PCDH15: variants seen among roughly 807,000 people sequenced by gnomAD.
PCDH15 encodes protocadherin related 15.
A neutral mutation model predicts 178.5 loss-of-function variants in PCDH15; 129 were observed. That is an observed-to-expected ratio of 0.72 (90% CI 0.63 to 0.84). PCDH15 has a LOEUF of 0.84. Ranked by LOEUF, PCDH15 falls within the 40% of genes least tolerant of loss-of-function variation. The pLI is 0.00. For synonymous variants in PCDH15, 800 were observed against 732.0 expected (o/e 1.09, Z -1.50); for missense variants, 2,230 against 2,099.9 (o/e 1.06, Z -1.21).
At chr10:53,979,413 C>T (rs2090442512) in intron 21 of PCDH15, among the ~76,000 whole-genome samples, 1 of 152,170 alleles carries the variant, frequency 6.6e-6, no homozygotes, top group Admixed American at 6.6e-5. Context: ...GTCTCTCCCA[C>T]TACACGTGAA....
chr10:54,487,284 T>C lies in PCDH15; in HGVS notation c.157+40528A>G, dbSNP rs1050831633. 3.7e-4 allele frequency among the ~76,000 whole-genome samples: 56 copies of C among 151,938 alleles called. 2 individuals are homozygous for C. The highest frequency in any genetic ancestry group is 1.2e-4 in the Non-Finnish European group (8 of 67,954). Reference sequence around the variant, plus strand: ...CATGTTTTCACTTAAAAATGGGAGCTAAATAATGTGTACACATGGACGTAA... The same window carrying C: ...CATGTTTTCACTTAAAAATGGGAGCCAAATAATGTGTACACATGGACGTAA... On this transcript the variant is annotated intron_variant, in intron 3 of 37. Coordinates refer to ENST00000644397, the MANE Select transcript of PCDH15 (RefSeq NM_001384140.1).
At chr10:54,962,513 G>A (rs1262790824) in intron 2 of PCDH15, among the ~76,000 whole-genome samples, 2 of 152,222 alleles carry the variant, frequency 1.3e-5, no homozygotes, top group Non-Finnish European at 2.9e-5. Context: ...GATATATTGT[G>A]ACACTTTTGG....
At chr10:54,615,580 C>G (rs2093112741) in intron 2 of PCDH15, among the ~76,000 whole-genome samples, 1 of 151,910 alleles carries the variant, frequency 6.6e-6, no homozygotes, top group Non-Finnish European at 1.5e-5. Context: ...TCACAGTTAC[C>G]TTGGTACTTG....
At chr10:54,957,258 A>C (rs1249189517) in intron 2 of PCDH15, among the ~76,000 whole-genome samples, 1 of 150,678 alleles carries the variant, frequency 6.6e-6, no homozygotes, top group Non-Finnish European at 1.5e-5. Flanking sequence ...TAATTTGGGC[A>C]AAAAAAAATC....
At chr10:54,552,046 T>A (rs2086674790) in intron 2 of PCDH15, among the ~76,000 whole-genome samples, 1 of 152,146 alleles carries the variant, frequency 6.6e-6, no homozygotes, top group African/African-American at 2.4e-5. Context: ...CACTAAATCA[T>A]TTCCAGACTC....
chr10:55,061,598 A>C (rs775622664), intron 2 of PCDH15, among the ~76,000 whole-genome samples: 2 of 152,196 alleles, frequency 1.3e-5, no homozygotes, highest in African/African-American at 2.4e-5. Context: ...AAACCTGCAC[A>C]AAGATGTTTA....
chr10:53,818,312 TATCA>T (rs1253611335), intron 33 of PCDH15: 1 of 223,324 alleles, frequency 4.5e-6, no homozygotes, highest in Non-Finnish European at 8.7e-6. Context: ...ACTCTATTAT[TATCA>T]ATCAATTTGG....
intron 21 of PCDH15, among the ~76,000 whole-genome samples, chr10:53,987,848 G>C (rs1483960656): frequency 6.6e-6 from 1 of 152,096 alleles, no homozygotes; most frequent in Non-Finnish European, 1.5e-5. Context: ...ATTACTAGCA[G>C]GTTTCCCTTC....
chr10:54,603,820 T>G (rs2092639816), intron 2 of PCDH15, among the ~76,000 whole-genome samples: 1 of 152,016 alleles, frequency 6.6e-6, no homozygotes, highest in South Asian at 2.1e-4. Context: ...ACATTCTCTC[T>G]TCTTCCAAGA....
chr10:54,477,886 TAAAC>T (rs1565375632), intron 3 of PCDH15, among the ~76,000 whole-genome samples: 1 of 152,150 alleles, frequency 6.6e-6, no homozygotes, highest in East Asian at 1.9e-4. Context: ...CTCAGCCAAA[TAAAC>T]AAATAATTTT....
intron 8 of PCDH15, among the ~76,000 whole-genome samples, chr10:54,290,642 A>C (rs1187287021): frequency 6.6e-6 from 1 of 152,254 alleles, no homozygotes; most frequent in African/African-American, 2.4e-5. Flanking sequence ...TGCTGTATTC[A>C]AGAGACACAT....
intron 6 of PCDH15, among the ~76,000 whole-genome samples, chr10:54,343,438 T>A (rs1942637910): frequency 6.6e-6 from 1 of 152,188 alleles, no homozygotes; most frequent in South Asian, 2.1e-4. Context: ...TTTGGAACTG[T>A]GAGTCATTTA....
At chr10:53,854,128 G>A (rs1474846411) in intron 28 of PCDH15, among the ~76,000 whole-genome samples, 1 of 151,862 alleles carries the variant, frequency 6.6e-6, no homozygotes, top group Non-Finnish European at 1.5e-5. Flanking sequence ...TGAATCATGG[G>A]AATATCATGC....
intron 3 of PCDH15, among the ~76,000 whole-genome samples, chr10:54,850,243 A>G (rs760694046): frequency 7.9e-5 from 12 of 152,182 alleles, no homozygotes; most frequent in Non-Finnish European, 2.9e-5. Flanking sequence ...GATTTGTGAA[A>G]TGATAAAAAT....
intron 2 of PCDH15, among the ~76,000 whole-genome samples, chr10:54,982,689 A>C (rs1815814844): frequency 6.6e-6 from 1 of 152,146 alleles, no homozygotes; most frequent in Admixed American, 6.6e-5. Flanking sequence ...GGGCATTAGT[A>C]AAATCTTATA....
chr10:54,316,529 TACACACACACACACACACACACACAC>T (rs35604056), intron 8 of PCDH15, among the ~76,000 whole-genome samples: 2 of 132,190 alleles, frequency 1.5e-5, no homozygotes, highest in African/African-American at 5.5e-5. Context: ...AATATGTGTA[TACACACACACACACACACACACACAC>T]ACACACACAC....
At chr10:54,174,274 T>C (rs1349122522) in intron 13 of PCDH15, among the ~76,000 whole-genome samples, 1 of 152,080 alleles carries the variant, frequency 6.6e-6, no homozygotes, top group African/African-American at 2.4e-5. Flanking sequence ...GGCTCACACC[T>C]GTAATCCCAG....
intron 2 of PCDH15, among the ~76,000 whole-genome samples, chr10:55,107,484 C>CTT (rs11290952): frequency 0.014 from 1,167 of 86,078 alleles, no homozygotes; most frequent in Non-Finnish European, 0.018. Context: ...ATTCTCTTTC[C>CTT]TTTTTTTTTT....
chr10:55,582,614 A>ATTTTTTTTTT (rs1433568928), intron 2 of PCDH15, among the ~76,000 whole-genome samples: 1 of 88,674 alleles, frequency 1.1e-5, no homozygotes. Flanking sequence ...ATATATATAT[A>ATTTTTTTTTT]TATATATATA....
Sources: gnomAD v4.1 joint callset for allele counts (sites outside exome capture counted in the v4.1 genomes callset) on GRCh38, gnomAD v4.1.1 for gene constraint, MANE v1.5 for transcripts, NCBI Gene and HGNC (gene_info 2026-07-23, HGNC 2026-07-21) for gene names.